The following ADAM18 variants were observed in gnomAD, a reference collection of about 807,000 sequenced individuals.
ADAM18 encodes the protein disintegrin and metalloproteinase domain-containing protein 18.
Under a neutral mutation model 94.4 loss-of-function variants are expected in ADAM18, and 117 were observed. That is an observed-to-expected ratio of 1.24 (90% CI 1.07 to 1.45). The LOEUF (loss-of-function observed/expected upper bound fraction) is 1.45. Ranked by LOEUF, ADAM18 falls within the 40% of genes most tolerant of loss-of-function variation. The pLI, the probability that ADAM18 is intolerant of heterozygous loss-of-function variation, is 0.00. For missense variants in ADAM18, 936 were observed against 880.0 expected (o/e 1.06, Z -0.81); for synonymous variants, 327 against 291.6 (o/e 1.12, Z -1.24).
At chr8:39,623,429 A>G (rs1235803128) in intron 6 of ADAM18, among the ~76,000 whole-genome samples, 3 of 152,030 alleles carry the variant, frequency 2.0e-5, no homozygotes, top group African/African-American at 4.8e-5. Context: ...TAGTAGTTGT[A>G]CTAATTTAGA....
At position 39,637,409 on chromosome 8, in the gene ADAM18, A is replaced by G. The variant is rs1820109474; in HGVS notation, c.660+74A>G. The G allele has an allele frequency of 4.1e-6, 6 of 1,464,424 alleles. No homozygotes were observed. In the South Asian group the frequency reaches 6.3e-5, roughly 15 times the overall value. 90.7% of individuals were successfully genotyped at this position (1,464,424 alleles called of 1,614,324 possible). A position where few individuals can be genotyped will look rare whatever the true frequency, so the allele number is the denominator to read the frequency against. ...TATAATTTGGGTTCTATCTTGGCCAATGAATAACTTAAATACTTTTTATTA... is the reference window on the plus strand; with the variant it reads ...TATAATTTGGGTTCTATCTTGGCCAGTGAATAACTTAAATACTTTTTATTA... On this transcript the variant is annotated intron_variant, in intron 8 of 19. Transcript: ENST00000265707.
rs1490626083 is a variant in ADAM18, at chr8:39,637,262, A to G, written c.589-2A>G. The G allele has an allele frequency of 6.3e-7, 1 of 1,578,572 alleles. No homozygotes were observed. Among genetic ancestry groups the G allele is most frequent in the East Asian group, 2.2e-5 (1 of 44,504 alleles). ...TCATGAAAAATAAAATTTCTTTTTC[A>G]GTATGATTATATGGGATCTGAAATG... is the stretch of plus-strand genomic sequence containing the variant. On this transcript the variant is annotated splice_acceptor_variant, in intron 7 of 19. Coordinates refer to ENST00000265707, the MANE Select transcript of ADAM18 (RefSeq NM_014237.3). LOFTEE classifies it high-confidence loss of function.
At chr8:39,690,681 A>T (rs540312826) in intron 16 of ADAM18, among the ~76,000 whole-genome samples, 1 of 152,346 alleles carries the variant, frequency 6.6e-6, no homozygotes, top group East Asian at 1.9e-4. Context: ...CCATTAAAAA[A>T]TAAATCCTTG....
rs975850581 is a variant in ADAM18, at chr8:39,606,322, A to G, written c.148A>G (p.Thr50Ala). 2.6e-6 allele frequency: 4 copies of G among 1,558,966 alleles called. No individual in the cohort carries two copies. The highest frequency in any genetic ancestry group is 3.5e-6 in the Non-Finnish European group (4 of 1,146,054). Reference protein sequence around the residue: ...VSERKMIYIITIDGQPYTLHL... With the variant: ...VSERKMIYIIAIDGQPYTLHL... ...TTTATTTTAGATGATTTACATCATT[A>G]CAATTGATGGACAACCTTACACTCT... Residue 50 changes from threonine (T) to alanine (A), a missense_variant, in exon 3 of 20, where the codon ACA becomes GCA. By Grantham distance (58) the Thr-to-Ala change is moderately conservative. Transcript: ENST00000265707.
chr8:39,714,354 G>A (rs1244277329), intron 18 of ADAM18, among the ~76,000 whole-genome samples: 7 of 151,932 alleles, frequency 4.6e-5, no homozygotes, highest in Non-Finnish European at 8.8e-5. Context: ...TGAGTTGATG[G>A]GTGCAGCAAA....
intron 6 of ADAM18, among the ~76,000 whole-genome samples, chr8:39,622,687 CTTAT>C (rs976537360): frequency 6.6e-6 from 1 of 151,814 alleles, no homozygotes; most frequent in Admixed American, 6.6e-5. Flanking sequence ...CATTTCATGT[CTTAT>C]TTAATGCTAT....
At chr8:39,604,023 A>G (rs1818987228) in intron 2 of ADAM18, among the ~76,000 whole-genome samples, 1 of 152,212 alleles carries the variant, frequency 6.6e-6, no homozygotes, top group Non-Finnish European at 1.5e-5. Context: ...GGTCATTTAT[A>G]TCATCTATAA....
At chr8:39,690,026 T>TGGGA in intron 16 of ADAM18, among the ~76,000 whole-genome samples, 1 of 152,168 alleles carries the variant, frequency 6.6e-6, no homozygotes, top group Non-Finnish European at 1.5e-5. Flanking sequence ...TGTTGGTGTA[T>TGGGA]GGGAATGCTA....
intron 6 of ADAM18, among the ~76,000 whole-genome samples, chr8:39,628,953 G>T (rs926344707): frequency 2.0e-5 from 3 of 151,938 alleles, no homozygotes; most frequent in Non-Finnish European, 4.4e-5. Context: ...ATATTTACCT[G>T]AATTTCAGTG....
chr8:39,632,552 TTTTA>T (rs1325149444), intron 7 of ADAM18, among the ~76,000 whole-genome samples: 1 of 152,152 alleles, frequency 6.6e-6, no homozygotes, highest in Non-Finnish European at 1.5e-5. Flanking sequence ...TAACCTGATC[TTTTA>T]TTTAATATTT....
At position 39,680,116 on chromosome 8, in the gene ADAM18, T is replaced by G; in HGVS notation, c.1711T>G (p.Ser571Ala). 6.2e-7 allele frequency: 1 copy of G among 1,613,908 alleles called. No homozygotes were observed. Among genetic ancestry groups the G allele is most frequent in the Non-Finnish European group, 8.5e-7 (1 of 1,179,894 alleles). The change falls in exon 16 of 20, where the codon TCA (serine) becomes GCA (alanine). Residue 571 changes from serine (S) to alanine (A), a missense_variant. Physicochemically the swap from Ser to Ala is moderately conservative, Grantham distance 99. Transcript: ENST00000265707. ...NKSDAQSTVY[S>A]YIQDHVCVSI... ...AAGTGACGCTCAATCTACAGTTTAT[T>G]CATATATTCAAGACCATGTATGTGT... is the stretch of plus-strand genomic sequence containing the variant.
intron 2 of ADAM18, among the ~76,000 whole-genome samples, chr8:39,596,456 T>C (rs1818742822): frequency 6.6e-6 from 1 of 152,222 alleles, no homozygotes; most frequent in Non-Finnish European, 1.5e-5. Flanking sequence ...AGATGGCTTT[T>C]CTTCCCACTT....
At chr8:39,597,244 C>T (rs1005090744) in intron 2 of ADAM18, among the ~76,000 whole-genome samples, 9 of 152,048 alleles carry the variant, frequency 5.9e-5, no homozygotes, top group African/African-American at 2.2e-4. Context: ...ATATACTTGA[C>T]AGTGTCTTTC....
intron 6 of ADAM18, among the ~76,000 whole-genome samples, chr8:39,626,948 T>C (rs1819786088): frequency 6.6e-6 from 1 of 152,146 alleles, no homozygotes; most frequent in Non-Finnish European, 1.5e-5. Context: ...TATGTTTCTT[T>C]GTTGACTTTC....
At chr8:39,686,977 A>G (rs895642128) in intron 16 of ADAM18, among the ~76,000 whole-genome samples, 1 of 152,208 alleles carries the variant, frequency 6.6e-6, no homozygotes, top group African/African-American at 2.4e-5. Context: ...TGTTGACCAC[A>G]TTGATTTTTT....
At chr8:39,708,460 T>G (rs1822301176) in intron 18 of ADAM18, among the ~76,000 whole-genome samples, 1 of 152,254 alleles carries the variant, frequency 6.6e-6, no homozygotes, top group African/African-American at 2.4e-5. Context: ...ACAGTATTTA[T>G]TCTCAATGAA....
At chr8:39,725,202 C>G (rs12541999) in intron 19 of ADAM18, among the ~76,000 whole-genome samples, 2 of 151,730 alleles carry the variant, frequency 1.3e-5, no homozygotes, top group African/African-American at 4.8e-5. Flanking sequence ...TATACAAATA[C>G]GTATACATAC....
chr8:39,628,433 A>G (rs183737128), intron 6 of ADAM18, among the ~76,000 whole-genome samples: 115 of 149,768 alleles, frequency 7.7e-4, no homozygotes, highest in African/African-American at 2.8e-3. Flanking sequence ...AGATAGATAG[A>G]TAGATAGATA....
At chr8:39,622,765 A>G (rs925182568) in intron 6 of ADAM18, among the ~76,000 whole-genome samples, 1 of 152,180 alleles carries the variant, frequency 6.6e-6, no homozygotes, top group Admixed American at 6.5e-5. Context: ...ACATAACTTA[A>G]TAGAAGGCAC....
Sources: gnomAD v4.1 joint callset for allele counts (sites outside exome capture counted in the v4.1 genomes callset) on GRCh38, gnomAD v4.1.1 for gene constraint, MANE v1.5 for transcripts, NCBI Gene and HGNC (gene_info 2026-07-23, HGNC 2026-07-21) for gene names.